CTNNA3: variants seen among roughly 807,000 people sequenced by gnomAD.
CTNNA3 encodes the protein catenin alpha 3.
In CTNNA3, 76 loss-of-function variants were observed where a neutral mutation model predicts 95.7. The observed-to-expected ratio is 0.79, with a 90% CI of 0.66 to 0.96. The LOEUF is 0.96. Among genes scored for constraint, CTNNA3 ranks in the 40% least tolerant of loss-of-function variants. CTNNA3 has a pLI of 0.00. For missense variants in CTNNA3, 1,191 were observed against 1,089.8 expected (o/e 1.09, Z -1.31); for synonymous variants, 431 against 374.4 (o/e 1.15, Z -1.74).
chr10:67,215,830 C>A (rs1466752216), intron 6 of CTNNA3, among the ~76,000 whole-genome samples: 1 of 152,110 alleles, frequency 6.6e-6, no homozygotes, highest in African/African-American at 2.4e-5. Context: ...CTTTTGTCTT[C>A]AGTTCACAGT....
At chr10:67,149,049 T>C (rs1028419822) in intron 7 of CTNNA3, among the ~76,000 whole-genome samples, 4 of 152,184 alleles carry the variant, frequency 2.6e-5, no homozygotes, top group Non-Finnish European at 5.9e-5. Flanking sequence ...TCAGGTAATG[T>C]GAAAGGCAAG....
At chr10:66,173,177 C>T (rs2085520053) in intron 13 of CTNNA3, among the ~76,000 whole-genome samples, 2 of 152,114 alleles carry the variant, frequency 1.3e-5, no homozygotes, top group African/African-American at 2.4e-5. Context: ...TACATTTGAA[C>T]ATTTACCATG....
rs117956091 is a variant in CTNNA3 at position 67,277,569 on chromosome 10, A to G, written c.580-57699T>C. Among the ~76,000 whole-genome samples the G allele has an allele frequency of 8.8e-4, 134 of 152,236 alleles. No individual in the cohort carries two copies. In the East Asian group the frequency reaches 0.025, roughly 28 times the overall value. On this transcript the variant is annotated intron_variant, in intron 5 of 17. Coordinates refer to ENST00000433211, the MANE Select transcript of CTNNA3 (RefSeq NM_013266.4). ...ATAAGGCTGAGACCTACTAGGCTGC[A>G]TTCCCAGGAGATTAGGCATTCCTAG...
chr10:67,208,643 A>C (rs1177173683), intron 6 of CTNNA3, among the ~76,000 whole-genome samples: 2 of 152,192 alleles, frequency 1.3e-5, no homozygotes, highest in South Asian at 2.1e-4. Context: ...AAGAGAAAAG[A>C]AAATGTGTCT....
chr10:66,640,193 A>G (rs144281215), intron 9 of CTNNA3, among the ~76,000 whole-genome samples: 1 of 152,216 alleles, frequency 6.6e-6, no homozygotes, highest in East Asian at 1.9e-4. Context: ...CCTCTATTGC[A>G]TATCACAGAG....
At chr10:67,006,623 C>A (rs1482371920) in intron 7 of CTNNA3, among the ~76,000 whole-genome samples, 1 of 151,482 alleles carries the variant, frequency 6.6e-6, no homozygotes, top group African/African-American at 2.4e-5. Context: ...ATAAAGTTTA[C>A]AAATTATGTA....
intron 7 of CTNNA3, among the ~76,000 whole-genome samples, chr10:66,995,847 G>A (rs931835616): frequency 5.9e-5 from 9 of 152,074 alleles, no homozygotes; most frequent in Non-Finnish European, 1.3e-4. Context: ...AATCCACAGA[G>A]GAAATTATAC....
At chr10:67,413,936 T>C (rs2132847102) in intron 5 of CTNNA3, among the ~76,000 whole-genome samples, 1 of 152,198 alleles carries the variant, frequency 6.6e-6, no homozygotes, top group African/African-American at 2.4e-5. Context: ...GCCAAAGCAG[T>C]GTTAAGAGGA....
At chr10:66,776,574 C>G (rs1188654983) in intron 7 of CTNNA3, among the ~76,000 whole-genome samples, 1 of 152,104 alleles carries the variant, frequency 6.6e-6, no homozygotes, top group East Asian at 1.9e-4. Context: ...TACTTTTTTA[C>G]TCTTATGTAC....
intron 7 of CTNNA3, among the ~76,000 whole-genome samples, chr10:66,875,804 T>C (rs918934298): frequency 2.6e-5 from 4 of 152,138 alleles, no homozygotes; most frequent in Admixed American, 6.6e-5. Flanking sequence ...GAAGCAATCA[T>C]CCACTGGCTC....
intron 5 of CTNNA3, among the ~76,000 whole-genome samples, chr10:67,235,794 C>T (rs1204072364): frequency 1.4e-5 from 2 of 143,382 alleles, no homozygotes; most frequent in Non-Finnish European, 3.0e-5. Flanking sequence ...CCAGAATCTA[C>T]AATGAACTCA....
intron 9 of CTNNA3, among the ~76,000 whole-genome samples, chr10:66,742,262 T>A (rs1849351414): frequency 1.3e-5 from 2 of 152,136 alleles, no homozygotes; most frequent in South Asian, 4.1e-4. Flanking sequence ...TAAGCCCTGG[T>A]CTCCCATAGC....
chr10:67,616,497 G>A (rs1392471205), intron 2 of CTNNA3, among the ~76,000 whole-genome samples: 5 of 152,070 alleles, frequency 3.3e-5, no homozygotes, highest in African/African-American at 1.2e-4. Context: ...AAGCAGTGGC[G>A]GAGTTAAGAA....
At chr10:67,371,848 G>T (rs1431519160) in intron 5 of CTNNA3, among the ~76,000 whole-genome samples, 1 of 152,206 alleles carries the variant, frequency 6.6e-6, no homozygotes, top group Non-Finnish European at 1.5e-5. Context: ...CTGACCTACA[G>T]TATAAAAGTG....
chr10:67,739,715 G>T (rs1397981591), intron 1 of CTNNA3, among the ~76,000 whole-genome samples: 1 of 152,154 alleles, frequency 6.6e-6, no homozygotes, highest in Non-Finnish European at 1.5e-5. Context: ...TCAATATCGT[G>T]AAAATGGCCA....
At chr10:66,556,168 T>C (rs1842382575) in intron 10 of CTNNA3, among the ~76,000 whole-genome samples, 1 of 151,876 alleles carries the variant, frequency 6.6e-6, no homozygotes, top group Admixed American at 6.6e-5. Context: ...TGAGATGATA[T>C]CTCACACCTG....
chr10:67,558,274 T>C (rs1020433852), intron 3 of CTNNA3, among the ~76,000 whole-genome samples: 1 of 152,222 alleles, frequency 6.6e-6, no homozygotes, highest in Non-Finnish European at 1.5e-5. Context: ...GGAGCTGGAA[T>C]AGGTCAAGTG....
intron 12 of CTNNA3, among the ~76,000 whole-genome samples, chr10:66,332,808 G>A (rs920357744): frequency 1.3e-5 from 2 of 152,042 alleles, no homozygotes; most frequent in Non-Finnish European, 2.9e-5. Flanking sequence ...AATGGTACCA[G>A]CTCCTCCTTG....
chr10:66,437,723 C>A (rs1236449695), intron 11 of CTNNA3, among the ~76,000 whole-genome samples: 1 of 152,160 alleles, frequency 6.6e-6, no homozygotes, highest in Non-Finnish European at 1.5e-5. Context: ...AACTCATTCT[C>A]TGTCTAATTT....
Sources: gnomAD v4.1 joint callset for allele counts (sites outside exome capture counted in the v4.1 genomes callset) on GRCh38, gnomAD v4.1.1 for gene constraint, MANE v1.5 for transcripts, NCBI Gene and HGNC (gene_info 2026-07-23, HGNC 2026-07-21) for gene names.